Variants in KCNQ1 observed in about 807,000 individuals in gnomAD.
The protein encoded by KCNQ1 is potassium voltage-gated channel subfamily KQT member 1.
In KCNQ1, 49 loss-of-function variants were observed where a neutral mutation model predicts 72.4. That is an observed-to-expected ratio of 0.68 (90% CI 0.54 to 0.86). The LOEUF (loss-of-function observed/expected upper bound fraction) is 0.86. Ranked by LOEUF, KCNQ1 falls within the 40% of genes least tolerant of loss-of-function variation. The probability of loss-of-function intolerance (pLI) is 0.00; values close to 1 mark genes in which losing one functional copy is unlikely to be tolerated. For missense variants in KCNQ1, 790 were observed against 945.1 expected (o/e 0.84, Z 2.15); for synonymous variants, 450 against 412.6 (o/e 1.09, Z -1.10).
chr11:2,658,939 T>C lies in KCNQ1; in HGVS notation c.1394-3022T>C, dbSNP rs1849901094. Reference sequence around the variant, plus strand: ...AGCAAATTTACCTACTAGATTAGAGTGTTTAGGACAGACTTTTGCTTTAAC... The same window carrying C: ...AGCAAATTTACCTACTAGATTAGAGCGTTTAGGACAGACTTTTGCTTTAAC... On this transcript the variant is annotated intron_variant, in intron 10 of 15. Transcript: ENST00000155840. This position sits in a 1 kb window ranked among gnomAD's most constrained non-coding sequence, Gnocchi z 4.9. 2.5e-6 allele frequency: 1 copy of C among 398,340 alleles called. No individual in the cohort carries two copies. Among genetic ancestry groups the C allele is most frequent in the Admixed American group, 4.4e-5 (1 of 22,692 alleles). 24.7% of individuals were successfully genotyped at this position (398,340 alleles called of 1,614,324 possible).
chr11:2,836,421 G>T (rs1037280074), intron 15 of KCNQ1, among the ~76,000 whole-genome samples: 1 of 152,194 alleles, frequency 6.6e-6, no homozygotes, highest in Non-Finnish European at 1.5e-5. Flanking sequence ...AGGAGGTAGA[G>T]GGTGAGGCCG....
At chr11:2,591,587 C>A (rs1294763709) in intron 10 of KCNQ1, among the ~76,000 whole-genome samples, 1 of 152,240 alleles carries the variant, frequency 6.6e-6, no homozygotes, top group East Asian at 1.9e-4. Context: ...GGGGACCCAG[C>A]CTGTGTGCGG....
In KCNQ1 at chr11:2,659,855, T is replaced by C; in HGVS notation, c.1394-2106T>C. ...TTTATGTTAATTATGTATCTTTTCA[T>C]GTGCTTATTTATAATCCATTTTTAA... On this transcript the variant is annotated intron_variant, in intron 10 of 15. Coordinates refer to ENST00000155840, the MANE Select transcript of KCNQ1 (RefSeq NM_000218.3). The surrounding 1 kb of genome is among the most constrained non-coding windows in gnomAD (Gnocchi z 4.3). The C allele has an allele frequency of 2.5e-6, 1 of 398,470 alleles. No homozygotes were observed. The allele number at this position is 398,470 out of a possible 1,614,324, so 24.7% of individuals were successfully genotyped here. A position where few individuals can be genotyped will look rare whatever the true frequency, so the allele number is the denominator to read the frequency against.
At chr11:2,835,397 T>A (rs4930010) in intron 15 of KCNQ1, among the ~76,000 whole-genome samples, 1 of 130,476 alleles carries the variant, frequency 7.7e-6, no homozygotes, top group African/African-American at 2.7e-5. Flanking sequence ...AAACCCTGAC[T>A]CACACACACA....
At chr11:2,569,841 C>T (rs1042756170) in intron 2 of KCNQ1, among the ~76,000 whole-genome samples, 8 of 152,236 alleles carry the variant, frequency 5.3e-5, no homozygotes, top group African/African-American at 1.9e-4. Context: ...AACTGAGGCC[C>T]AGCTTTCCAC....
intron 15 of KCNQ1, among the ~76,000 whole-genome samples, chr11:2,795,889 GGGTAA>G (rs1847118863): frequency 6.6e-6 from 1 of 152,144 alleles, no homozygotes; most frequent in Non-Finnish European, 1.5e-5. Context: ...GGGGAACAGG[GGGTAA>G]GTGTGGCCAA....
chr11:2,615,336 T>G, intron 10 of KCNQ1: 1 of 398,076 alleles, frequency 2.5e-6, no homozygotes, highest in Non-Finnish European at 4.4e-6. Context: ...ATGTCATTAT[T>G]GAATAAAGAG....
chr11:2,575,696 C>T lies in KCNQ1; in HGVS notation c.921+2710C>T, dbSNP rs77188762. Among the ~76,000 whole-genome samples the T allele has an allele frequency of 9.4e-3, 1,428 of 152,294 alleles. 21 individuals are homozygous for T. Among genetic ancestry groups the T allele is most frequent in the East Asian group, 0.033 (173 of 5,176 alleles). On this transcript the variant is annotated intron_variant, in intron 6 of 15. Coordinates refer to ENST00000155840, the MANE Select transcript of KCNQ1 (RefSeq NM_000218.3). ...TCCGTCCGTCGGGGCTGCCACAGGCCCTTACTGGGTGGGAGGTGGCTTCCT... is the reference window on the plus strand; with the variant it reads ...TCCGTCCGTCGGGGCTGCCACAGGCTCTTACTGGGTGGGAGGTGGCTTCCT...
rs1848343744 is a variant in KCNQ1 at position 2,572,037 on chromosome 11, G to C, written c.708G>C (p.Leu236=). 2 of 1,612,784 alleles carry C rather than the reference G, an allele frequency of 1.2e-6. No individual in the cohort carries two copies. The highest frequency in any genetic ancestry group is 2.7e-5 in the African/African-American group (2 of 74,896). ...GGGGCATCCGCTTCCTGCAGATCCT[G>C]AGGATGCTACACGTCGACCGCCAGG... ...AIRGIRFLQI[L]RMLHVDRQGG... Residue 236 remains leucine, a synonymous_variant, in exon 5 of 16, where the codon CTG becomes CTC. Coordinates refer to ENST00000155840, the MANE Select transcript of KCNQ1 (RefSeq NM_000218.3).
In KCNQ1 at chr11:2,671,313, T is replaced by G. The variant is rs1850180101; in HGVS notation, c.1514+9232T>G. 2.5e-6 allele frequency: 1 copy of G among 398,490 alleles called. No individual in the cohort carries two copies. Among genetic ancestry groups the G allele is most frequent in the South Asian group, 1.3e-4 (1 of 7,848 alleles). The allele number at this position is 398,490 out of a possible 1,614,324, so 24.7% of individuals were successfully genotyped here. On this transcript the variant is annotated intron_variant, in intron 11 of 15. Coordinates refer to ENST00000155840, the MANE Select transcript of KCNQ1 (RefSeq NM_000218.3). The surrounding 1 kb of genome is among the most constrained non-coding windows in gnomAD (Gnocchi z 4.7). ...TCTCCATAAGTAATCTTTTCCCATG[T>G]GTGGCTGCAGCCTCAGAGGCTCCCT... is the stretch of plus-strand genomic sequence containing the variant.
chr11:2,448,691 C>G (rs1003158343), intron 1 of KCNQ1, among the ~76,000 whole-genome samples: 1 of 152,242 alleles, frequency 6.6e-6, no homozygotes, highest in Non-Finnish European at 1.5e-5. Flanking sequence ...GATCTGTCCA[C>G]CCACTCCTCA....
At chr11:2,833,877 G>A (rs1001815491) in intron 15 of KCNQ1, among the ~76,000 whole-genome samples, 4 of 152,210 alleles carry the variant, frequency 2.6e-5, no homozygotes, top group Admixed American at 2.6e-4. Context: ...GGGGAGCGGG[G>A]CTTGCCAAAT....
chr11:2,745,169 C>T lies in KCNQ1; in HGVS notation c.1515-23675C>T. On this transcript the variant is annotated intron_variant, in intron 11 of 15. Coordinates refer to ENST00000155840, the MANE Select transcript of KCNQ1 (RefSeq NM_000218.3). This position sits in a 1 kb window ranked among gnomAD's most constrained non-coding sequence, Gnocchi z 6.2. ...GCCAACTTTAAAGTTAAGTTTATTGCATTTCTTAAAAATTTCAACTGGAAG... is the reference window on the plus strand; with the variant it reads ...GCCAACTTTAAAGTTAAGTTTATTGTATTTCTTAAAAATTTCAACTGGAAG... Among the ~76,000 whole-genome samples the T allele has an allele frequency of 6.6e-6, 1 of 152,164 alleles. No individual in the cohort carries two copies. Among genetic ancestry groups the T allele is most frequent in the Non-Finnish European group, 1.5e-5 (1 of 68,012 alleles).
chr11:2,611,968 T>G lies in KCNQ1; in HGVS notation c.1393+23114T>G, dbSNP rs577111100. 3 of 398,652 alleles carry G rather than the reference T, an allele frequency of 7.5e-6. No individual in the cohort carries two copies. Among genetic ancestry groups the G allele is most frequent in the East Asian group, 7.1e-5 (2 of 28,080 alleles). The allele number at this position is 398,652 out of a possible 1,614,324, so 24.7% of individuals were successfully genotyped here. On this transcript the variant is annotated intron_variant, in intron 10 of 15. Coordinates refer to ENST00000155840, the MANE Select transcript of KCNQ1 (RefSeq NM_000218.3). The surrounding 1 kb of genome is among the most constrained non-coding windows in gnomAD (Gnocchi z 5.3). ...TACTCAAATATTTTTGTCTGCCCTA[T>G]TCTCTCCTTCTCAGTACTCTTATTA...
intron 2 of KCNQ1, among the ~76,000 whole-genome samples, chr11:2,551,383 C>G (rs763633701): frequency 6.6e-6 from 1 of 152,146 alleles, no homozygotes; most frequent in Non-Finnish European, 1.5e-5. Context: ...CGCCTGGCTT[C>G]TGTCACTTAG....
chr11:2,659,630 G>T lies in KCNQ1; in HGVS notation c.1394-2331G>T. The T allele has an allele frequency of 2.5e-6, 1 of 398,522 alleles. No individual in the cohort carries two copies. The highest frequency in any genetic ancestry group is 4.4e-5 in the Admixed American group (1 of 22,734). 24.7% of individuals were successfully genotyped at this position (398,522 alleles called of 1,614,324 possible). ...ACTTGGGTGGGAAAGGAACCGATAG[G>T]TCATGTGGTATGTGTATGTTTAACT... On this transcript the variant is annotated intron_variant, in intron 10 of 15. Coordinates refer to ENST00000155840, the MANE Select transcript of KCNQ1 (RefSeq NM_000218.3). This position sits in a 1 kb window ranked among gnomAD's most constrained non-coding sequence, Gnocchi z 4.3.
In KCNQ1 at chr11:2,654,951, A is replaced by G. The variant is rs1379257938; in HGVS notation, c.1394-7010A>G. The G allele has an allele frequency of 7.5e-6, 3 of 398,480 alleles. No homozygotes were observed. The highest frequency in any genetic ancestry group is 8.8e-6 in the Non-Finnish European group (2 of 226,074). 24.7% of individuals were successfully genotyped at this position (398,480 alleles called of 1,614,324 possible). On this transcript the variant is annotated intron_variant, in intron 10 of 15. Coordinates refer to ENST00000155840, the MANE Select transcript of KCNQ1 (RefSeq NM_000218.3). The surrounding 1 kb of genome is among the most constrained non-coding windows in gnomAD (Gnocchi z 6.4). ...CAGATACAGGAGACTTCCACAAATT[A>G]TTGTTTCTTGACTTGGAAAAGTATC...
intron 7 of KCNQ1, among the ~76,000 whole-genome samples, chr11:2,584,127 T>C (rs1448785151): frequency 6.6e-6 from 1 of 152,242 alleles, no homozygotes; most frequent in African/African-American, 2.4e-5. Context: ...GTGCATACTG[T>C]GTATACATAT....
Position 2,627,519 on chromosome 11 carries a change from T to C in KCNQ1, c.1394-34442T>C. ...TCCGTTTCTCTGAGTTCAAGCTTTT[T>C]AGAATTCCATATGTAACTGGGATAG... On this transcript the variant is annotated intron_variant, in intron 10 of 15. Transcript: ENST00000155840. The surrounding 1 kb of genome is among the most constrained non-coding windows in gnomAD (Gnocchi z 4.9). The C allele has an allele frequency of 2.5e-6, 1 of 398,574 alleles. No individual in the cohort carries two copies. The highest frequency in any genetic ancestry group is 4.4e-6 in the Non-Finnish European group (1 of 226,050). The allele number at this position is 398,574 out of a possible 1,614,324, so 24.7% of individuals were successfully genotyped here. A position where few individuals can be genotyped will look rare whatever the true frequency, so the allele number is the denominator to read the frequency against.
Sources: allele counts gnomAD v4.1 joint callset (sites outside exome capture counted in the v4.1 genomes callset), GRCh38; gene constraint gnomAD v4.1.1; non-coding constraint Gnocchi (gnomAD v3.1); transcripts MANE v1.5; gene names NCBI Gene and HGNC (gene_info 2026-07-23, HGNC 2026-07-21).